ANK3: variants seen among roughly 807,000 people sequenced by gnomAD.
ANK3 encodes ankyrin-3.
In ANK3, 57 loss-of-function variants were observed where a neutral mutation model predicts 370.9. The ratio of observed to expected loss-of-function variants is 0.15; its 90% CI spans 0.12 to 0.19. The LOEUF is 0.19. ANK3 is among the 10% of genes least tolerant of loss of function. The pLI is 1.00. For missense variants in ANK3, 4,439 were observed against 5,302.1 expected (o/e 0.84, Z 5.06); for synonymous variants, 1,929 against 1,946.3 (o/e 0.99, Z 0.23).
chr10:60,560,320 G>T (rs1478789880), intron 2 of ANK3, among the ~76,000 whole-genome samples: 7 of 151,992 alleles, frequency 4.6e-5, no homozygotes, highest in Admixed American at 4.6e-4. Context: ...CCCTAAAATA[G>T]CAAAATTCTA....
At chr10:60,303,535 G>A (rs998800608) in intron 1 of ANK3, among the ~76,000 whole-genome samples, 1 of 152,102 alleles carries the variant, frequency 6.6e-6, no homozygotes, top group Non-Finnish European at 1.5e-5. Context: ...AAACCACAAT[G>A]AGCTATGACC....
chr10:60,051,517 C>T (rs2077990950), intron 42 of ANK3: 2 of 985,558 alleles, frequency 2.0e-6, no homozygotes, highest in Non-Finnish European at 2.4e-6. Context: ...TAGTGACTCT[C>T]CGCTCTTCCT....
At chr10:60,177,279 TCA>T (rs2095995121) in intron 18 of ANK3, among the ~76,000 whole-genome samples, 1 of 152,216 alleles carries the variant, frequency 6.6e-6, no homozygotes, top group South Asian at 2.1e-4. Context: ...ATATCTACTT[TCA>T]CAGTGTCAGC....
intron 2 of ANK3, among the ~76,000 whole-genome samples, chr10:60,516,043 C>A (rs1356445312): frequency 6.6e-6 from 1 of 151,742 alleles, no homozygotes; most frequent in African/African-American, 2.4e-5. Context: ...TTGACAGGGG[C>A]AGGGATAATG....
intron 1 of ANK3, among the ~76,000 whole-genome samples, chr10:60,664,139 T>TGA (rs2078969275): frequency 6.6e-6 from 1 of 152,246 alleles, no homozygotes; most frequent in Non-Finnish European, 1.5e-5. Flanking sequence ...GCACGAACCC[T>TGA]GATGGGAACT....
At chr10:60,432,447 G>A (rs901479084) in intron 2 of ANK3, among the ~76,000 whole-genome samples, 1 of 152,110 alleles carries the variant, frequency 6.6e-6, no homozygotes, top group Non-Finnish European at 1.5e-5. Flanking sequence ...TTACTTCCTA[G>A]TTCCTCCCTT....
intron 1 of ANK3, among the ~76,000 whole-genome samples, chr10:60,694,542 G>A (rs543124072): frequency 1.3e-3 from 200 of 152,042 alleles, no homozygotes; most frequent in Admixed American, 2.0e-3. Flanking sequence ...GACTAACAGC[G>A]GATCTCTCAG....
intron 1 of ANK3, among the ~76,000 whole-genome samples, chr10:60,343,153 C>T: frequency 1.3e-5 from 2 of 152,272 alleles, no homozygotes; most frequent in Middle Eastern, 6.8e-3. Flanking sequence ...AATATTTATA[C>T]AATCATCCTA....
At chr10:60,129,127 C>T (rs1204103127) in intron 25 of ANK3, among the ~76,000 whole-genome samples, 1 of 152,180 alleles carries the variant, frequency 6.6e-6, no homozygotes, top group Non-Finnish European at 1.5e-5. Flanking sequence ...CAAATCTGAG[C>T]TTATAAAACA....
chr10:60,608,980 T>C (rs188354386), intron 2 of ANK3, among the ~76,000 whole-genome samples: 2 of 152,186 alleles, frequency 1.3e-5, no homozygotes, highest in Non-Finnish European at 2.9e-5. Context: ...TAAGCCCTCA[T>C]GATTTTCTAT....
Position 60,471,896 on chromosome 10 carries a change from G to A in ANK3, c.96+143290C>T, listed in dbSNP as rs1031903006. On this transcript the variant is annotated intron_variant, in intron 2 of 43. Coordinates refer to the ANK3 transcript ENST00000373827. ...CTAGATACTGGAGCTTTCCTATACC[G>A]CAAATAAAGGCCCTAGAGAGAAGAG... Among the ~76,000 whole-genome samples, 4 of 151,806 alleles carry A rather than the reference G, an allele frequency of 2.6e-5. No homozygotes were observed. In the South Asian group the frequency reaches 8.3e-4, roughly 32 times the overall value.
chr10:60,295,725 T>C (rs2042358212), intron 1 of ANK3, among the ~76,000 whole-genome samples: 1 of 152,212 alleles, frequency 6.6e-6, no homozygotes, highest in East Asian at 1.9e-4. Context: ...ATAACTATTG[T>C]TATTTACCAC....
chr10:60,344,620 G>T (rs144331856), intron 1 of ANK3, among the ~76,000 whole-genome samples: 1 of 151,188 alleles, frequency 6.6e-6, no homozygotes, highest in Non-Finnish European at 1.5e-5. Flanking sequence ...TTTCATATTT[G>T]TTATTGGCAC....
rs866621613 is a variant in ANK3 at position 60,398,826 on chromosome 10, T to C, written c.97-119187A>G. Reference sequence around the variant, plus strand: ...ATGGTCATCTTCCCTGGAGTGAACCTCTAACAGTGTCATAAACACAATGCC... The same window carrying C: ...ATGGTCATCTTCCCTGGAGTGAACCCCTAACAGTGTCATAAACACAATGCC... On this transcript the variant is annotated intron_variant, in intron 2 of 43. Transcript: ENST00000373827. Among the ~76,000 whole-genome samples, 3 of 152,198 alleles carry C rather than the reference T, an allele frequency of 2.0e-5. No homozygotes were observed. In the South Asian group the frequency reaches 6.2e-4, roughly 31 times the overall value.
intron 4 of ANK3, among the ~76,000 whole-genome samples, chr10:60,274,141 T>A (rs941817658): frequency 6.6e-6 from 1 of 152,108 alleles, no homozygotes; most frequent in Admixed American, 6.6e-5. Flanking sequence ...TCTGGCTTTT[T>A]TATTTGTATT....
intron 2 of ANK3, among the ~76,000 whole-genome samples, chr10:60,581,599 T>C (rs2077754461): frequency 7.1e-6 from 1 of 141,282 alleles, no homozygotes; most frequent in Non-Finnish European, 1.5e-5. Context: ...TAATTATTAT[T>C]TTTTTTTTTT....
At chr10:60,247,367 T>G (rs2097572156) in intron 7 of ANK3, among the ~76,000 whole-genome samples, 1 of 152,142 alleles carries the variant, frequency 6.6e-6, no homozygotes, top group Admixed American at 6.5e-5. Flanking sequence ...TAATTTAAAT[T>G]GTGGTAAAAT....
At chr10:60,616,158 C>A (rs2078265105) in intron 1 of ANK3, among the ~76,000 whole-genome samples, 1 of 152,096 alleles carries the variant, frequency 6.6e-6, no homozygotes, top group Non-Finnish European at 1.5e-5. Context: ...TCTGCAATTT[C>A]ATGTTTCTAT....
chr10:60,191,993 C>G (rs2096490794), intron 16 of ANK3, among the ~76,000 whole-genome samples: 2 of 152,158 alleles, frequency 1.3e-5, no homozygotes, highest in South Asian at 4.1e-4. Flanking sequence ...ACTGCATCCT[C>G]TGCCTCCCGG....
Sources: gnomAD v4.1 joint callset for allele counts (sites outside exome capture counted in the v4.1 genomes callset) on GRCh38, gnomAD v4.1.1 for gene constraint, MANE v1.5 for transcripts, NCBI Gene and HGNC (gene_info 2026-07-23, HGNC 2026-07-21) for gene names.